Variants in KCNB2 observed in about 807,000 individuals in gnomAD.
KCNB2 encodes potassium voltage-gated channel subfamily B member 2.
Under a neutral mutation model 61.5 loss-of-function variants are expected in KCNB2, and 15 were observed. The ratio of observed to expected loss-of-function variants is 0.24; its 90% confidence interval spans 0.16 to 0.38. The LOEUF is 0.38. Ranked by LOEUF, KCNB2 falls within the 10% of genes least tolerant of loss-of-function variation. KCNB2 has a pLI of 1.00. For synonymous variants in KCNB2, 457 were observed against 446.0 expected (o/e 1.02, Z -0.31); for missense variants, 828 against 1,125.2 (o/e 0.74, Z 3.78).
chr8:72,818,392 G>A (rs552635338), intron 2 of KCNB2, among the ~76,000 whole-genome samples: 46 of 152,236 alleles, frequency 3.0e-4, no homozygotes, highest in African/African-American at 1.1e-3. Context: ...GTAATAGGCA[G>A]CAAAGAAGAC....
intron 2 of KCNB2, among the ~76,000 whole-genome samples, chr8:72,851,060 T>C (rs933020871): frequency 1.3e-5 from 2 of 152,224 alleles, no homozygotes; most frequent in African/African-American, 4.8e-5. Context: ...ATAAAAAGAG[T>C]TGATGATCAC....
chr8:72,918,954 C>T (rs1217832490), intron 2 of KCNB2, among the ~76,000 whole-genome samples: 1 of 152,200 alleles, frequency 6.6e-6, no homozygotes, highest in Admixed American at 6.5e-5. Flanking sequence ...CAGTGACCAA[C>T]TCTGCAAACA....
At chr8:72,897,650 G>T (rs377117146) in intron 2 of KCNB2, among the ~76,000 whole-genome samples, 1 of 152,066 alleles carries the variant, frequency 6.6e-6, no homozygotes, top group Non-Finnish European at 1.5e-5. Flanking sequence ...AATAATTTAC[G>T]TTGTCTATTT....
intron 2 of KCNB2, among the ~76,000 whole-genome samples, chr8:72,588,218 C>CTTT (rs34803136): frequency 2.3e-5 from 3 of 132,838 alleles, no homozygotes; most frequent in Non-Finnish European, 3.2e-5. Flanking sequence ...GGTTTCTTTT[C>CTTT]TTTTTTTTTT....
chr8:72,702,710 G>A (rs1807153625), intron 2 of KCNB2, among the ~76,000 whole-genome samples: 1 of 152,152 alleles, frequency 6.6e-6, no homozygotes, highest in South Asian at 2.1e-4. Context: ...AAAAATAGTG[G>A]ACTTGAGCTG....
chr8:72,739,330 C>G (rs543265202), intron 2 of KCNB2, among the ~76,000 whole-genome samples: 2 of 151,562 alleles, frequency 1.3e-5, no homozygotes, highest in East Asian at 3.9e-4. Context: ...ACAAAAATAT[C>G]AATGAGGTAT....
chr8:72,797,712 G>A (rs183803222), intron 2 of KCNB2, among the ~76,000 whole-genome samples: 20 of 152,168 alleles, frequency 1.3e-4, no homozygotes, highest in Admixed American at 1.2e-3. Context: ...TATCCACATC[G>A]CTTACAGGGA....
intron 2 of KCNB2, among the ~76,000 whole-genome samples, chr8:72,902,597 A>G (rs1484186700): frequency 6.6e-6 from 1 of 152,192 alleles, no homozygotes; most frequent in African/African-American, 2.4e-5. Context: ...GAAAATGTCT[A>G]TTATTTCACT....
At chr8:72,909,439 CA>C (rs1193617785) in intron 2 of KCNB2, among the ~76,000 whole-genome samples, 1 of 151,986 alleles carries the variant, frequency 6.6e-6, no homozygotes, top group Admixed American at 6.6e-5. Flanking sequence ...CAGGAAGGCA[CA>C]GGGGCAAAAG....
intron 2 of KCNB2, among the ~76,000 whole-genome samples, chr8:72,864,681 A>G (rs556720927): frequency 6.6e-6 from 1 of 152,344 alleles, no homozygotes; most frequent in African/African-American, 2.4e-5. Context: ...GGAAAGTAGC[A>G]GAAAGACGAA....
At chr8:72,679,625 T>G (rs147508614) in intron 2 of KCNB2, among the ~76,000 whole-genome samples, 37 of 152,362 alleles carry the variant, frequency 2.4e-4, no homozygotes, top group African/African-American at 8.4e-4. Flanking sequence ...TTATTATGTT[T>G]TGACATAAAA....
At chr8:72,605,051 A>G (rs4738269) in intron 2 of KCNB2, among the ~76,000 whole-genome samples, 26,086 of 152,188 alleles carry the variant, frequency 0.17, 2,665 homozygotes, top group East Asian at 0.51. Context: ...GAGACAGCCA[A>G]TCAACCTAAG....
intron 2 of KCNB2, among the ~76,000 whole-genome samples, chr8:72,662,153 C>G (rs1806392310): frequency 6.6e-6 from 1 of 152,148 alleles, no homozygotes; most frequent in Non-Finnish European, 1.5e-5. Flanking sequence ...CCATAGCAAT[C>G]CATGGGCTCT....
At chr8:72,764,344 C>T (rs1318130035) in intron 2 of KCNB2, among the ~76,000 whole-genome samples, 1 of 152,092 alleles carries the variant, frequency 6.6e-6, no homozygotes, top group Non-Finnish European at 1.5e-5. Flanking sequence ...GGAGACAACA[C>T]CTCACAAAGA....
intron 2 of KCNB2, among the ~76,000 whole-genome samples, chr8:72,666,436 T>C (rs1806473747): frequency 6.6e-6 from 1 of 152,180 alleles, no homozygotes; most frequent in African/African-American, 2.4e-5. Context: ...ATGGTCAATA[T>C]CTGTAACACT....
chr8:72,924,831 C>G (rs1055618103), intron 2 of KCNB2, among the ~76,000 whole-genome samples: 2 of 152,074 alleles, frequency 1.3e-5, no homozygotes, highest in Admixed American at 6.5e-5. Flanking sequence ...ATGCTTGCAA[C>G]GGAAGATTCA....
At chr8:72,561,868 T>C (rs1191488902) in intron 1 of KCNB2, among the ~76,000 whole-genome samples, 1 of 147,428 alleles carries the variant, frequency 6.8e-6, no homozygotes, top group Non-Finnish European at 1.5e-5. Context: ...GGAGGTGCTT[T>C]CAAAAATTGC....
intron 2 of KCNB2, among the ~76,000 whole-genome samples, chr8:72,634,998 G>A (rs1004378947): frequency 5.3e-5 from 8 of 152,190 alleles, no homozygotes; most frequent in Non-Finnish European, 7.3e-5. Context: ...GGTCCAGGAA[G>A]TATGAATGTG....
chr8:72,589,695 A>C (rs1308011778), intron 2 of KCNB2, among the ~76,000 whole-genome samples: 1 of 151,142 alleles, frequency 6.6e-6, no homozygotes, highest in South Asian at 2.1e-4. Context: ...GGAATACAAC[A>C]AAAGTGTAAA....
Sources: gnomAD v4.1 joint callset for allele counts (sites outside exome capture counted in the v4.1 genomes callset) on GRCh38, gnomAD v4.1.1 for gene constraint, MANE v1.5 for transcripts, NCBI Gene and HGNC (gene_info 2026-07-23, HGNC 2026-07-21) for gene names.